The following AGBL4 variants were observed in gnomAD, a reference collection of about 807,000 sequenced individuals.
The protein encoded by AGBL4 is AGBL carboxypeptidase 4.
AGBL4 carries 58 observed loss-of-function variants against 66.4 expected under a neutral mutation model. That is an observed-to-expected ratio of 0.87 (90% CI 0.71 to 1.09). AGBL4 has a LOEUF of 1.09. Among genes scored for constraint, AGBL4 ranks in the 50% least tolerant of loss-of-function variants. The probability of loss-of-function intolerance (pLI) is 0.00; values close to 1 mark genes in which losing one functional copy is unlikely to be tolerated. For missense variants in AGBL4, 579 were observed against 631.0 expected (o/e 0.92, Z 0.88); for synonymous variants, 234 against 222.9 (o/e 1.05, Z -0.44).
chr1:48,836,063 G>A (rs1646663080), intron 6 of AGBL4, among the ~76,000 whole-genome samples: 1 of 152,054 alleles, frequency 6.6e-6, no homozygotes. Flanking sequence ...GAGGACTATT[G>A]CAGTAGTTCA....
chr1:49,276,623 G>A (rs992770532), intron 3 of AGBL4, among the ~76,000 whole-genome samples: 1 of 152,098 alleles, frequency 6.6e-6, no homozygotes, highest in African/African-American at 2.4e-5. Flanking sequence ...ATAGAAACAC[G>A]TACCATCTAT....
In AGBL4 at chr1:48,670,129, C is replaced by A. The variant is rs114836651; in HGVS notation, c.635-6888G>T. Among the ~76,000 whole-genome samples the A allele has an allele frequency of 7.2e-3, 1,089 of 152,286 alleles. 12 individuals carry two copies. Among genetic ancestry groups the A allele is most frequent in the Non-Finnish European group, 0.011 (757 of 68,032 alleles). On this transcript the variant is annotated intron_variant, in intron 6 of 13. Coordinates refer to ENST00000371839, the MANE Select transcript of AGBL4 (RefSeq NM_032785.4). The stretch of plus-strand genomic sequence containing the variant: ...GAATATCAGGCGCTGGGGACAGGAG[C>A]CTTTCTGGTGTACCTCCCTATCTTC...
chr1:48,763,219 A>T (rs1425458318), intron 6 of AGBL4, among the ~76,000 whole-genome samples: 1 of 152,110 alleles, frequency 6.6e-6, no homozygotes, highest in African/African-American at 2.4e-5. Flanking sequence ...TACTGATGAA[A>T]ACGGCCTTTC....
chr1:49,550,395 C>G (rs894550203), intron 3 of AGBL4, among the ~76,000 whole-genome samples: 1 of 151,964 alleles, frequency 6.6e-6, no homozygotes, highest in Non-Finnish European at 1.5e-5. Context: ...TTTTATAAGT[C>G]CTGTGTGATT....
chr1:48,799,327 TC>T (rs547433755), intron 6 of AGBL4, among the ~76,000 whole-genome samples: 119 of 152,340 alleles, frequency 7.8e-4, no homozygotes, highest in African/African-American at 2.8e-3. Flanking sequence ...GTGCTACTGA[TC>T]TCTGTGCATT....
chr1:50,019,834 C>G (rs546143203), intron 1 of AGBL4, among the ~76,000 whole-genome samples: 1 of 151,990 alleles, frequency 6.6e-6, no homozygotes, highest in African/African-American at 2.4e-5. Flanking sequence ...GACTAATACT[C>G]CTACATGTAA....
At chr1:49,093,108 A>G (rs1645030448) in intron 4 of AGBL4, among the ~76,000 whole-genome samples, 1 of 152,142 alleles carries the variant, frequency 6.6e-6, no homozygotes, top group Non-Finnish European at 1.5e-5. Flanking sequence ...ACCAATAATT[A>G]GGGCTGCTCT....
In AGBL4 at chr1:48,618,929, T is replaced by C. The variant is rs115854081; in HGVS notation, c.951+15564A>G. Among the ~76,000 whole-genome samples, 1,317 of 150,118 alleles carry C rather than the reference T, an allele frequency of 8.8e-3. 24 individuals carry two copies. The highest frequency in any genetic ancestry group is 0.032 in the African/African-American group (1,273 of 40,394). On this transcript the variant is annotated intron_variant, in intron 9 of 13. Transcript: ENST00000371839. Reference sequence around the variant, plus strand: ...ATTCTGAATTTTTGTGCTTAAAAGATGTCATTATACCAAGAAAAAAAAAAA... The same window carrying C: ...ATTCTGAATTTTTGTGCTTAAAAGACGTCATTATACCAAGAAAAAAAAAAA...
intron 1 of AGBL4, among the ~76,000 whole-genome samples, chr1:49,946,687 A>T (rs1655239229): frequency 1.3e-5 from 2 of 152,076 alleles, no homozygotes; most frequent in South Asian, 4.1e-4. Context: ...CCAGCAGAAG[A>T]AAAGAAATAA....
chr1:49,420,844 T>C (rs1035583936), intron 3 of AGBL4, among the ~76,000 whole-genome samples: 1 of 152,186 alleles, frequency 6.6e-6, no homozygotes, highest in Non-Finnish European at 1.5e-5. Flanking sequence ...CTGTGCCATA[T>C]CCTGTGCTAG....
chr1:48,591,687 C>A (rs2148349225), intron 9 of AGBL4, among the ~76,000 whole-genome samples: 1 of 152,282 alleles, frequency 6.6e-6, no homozygotes, highest in Non-Finnish European at 1.5e-5. Flanking sequence ...TCTTAGTTAA[C>A]TCTTTGAGTT....
At chr1:49,476,499 G>A (rs139200020) in intron 3 of AGBL4, among the ~76,000 whole-genome samples, 2 of 152,050 alleles carry the variant, frequency 1.3e-5, no homozygotes, top group African/African-American at 4.8e-5. Flanking sequence ...TGCTGTCAGC[G>A]AGATGTTGAA....
chr1:49,516,712 G>A (rs901966790), intron 3 of AGBL4, among the ~76,000 whole-genome samples: 9 of 152,066 alleles, frequency 5.9e-5, no homozygotes, highest in African/African-American at 1.4e-4. Context: ...GATGGAGGAA[G>A]TGCTGTGTCT....
chr1:49,464,993 G>A (rs1646594604), intron 3 of AGBL4, among the ~76,000 whole-genome samples: 1 of 151,556 alleles, frequency 6.6e-6, no homozygotes, highest in Non-Finnish European at 1.5e-5. Flanking sequence ...ACAAACAAAT[G>A]AATGAATAAC....
chr1:49,052,410 G>T (rs1314591406), intron 4 of AGBL4, among the ~76,000 whole-genome samples: 1 of 152,142 alleles, frequency 6.6e-6, no homozygotes, highest in Admixed American at 6.5e-5. Flanking sequence ...GACTGAACAA[G>T]GAGCTAGGAG....
intron 2 of AGBL4, among the ~76,000 whole-genome samples, chr1:49,802,138 C>T (rs1215291749): frequency 6.6e-6 from 1 of 152,130 alleles, no homozygotes; most frequent in Admixed American, 6.6e-5. Context: ...TGCAGAGAGC[C>T]TATGAATGGA....
chr1:49,126,219 G>T lies in AGBL4; in HGVS notation c.378-80419C>A, dbSNP rs564353447. Among the ~76,000 whole-genome samples, 13 of 152,262 alleles carry T rather than the reference G, an allele frequency of 8.5e-5. 1 individual carries two copies. The South Asian group carries it at 2.7e-3, about 32-fold the overall frequency. On this transcript the variant is annotated intron_variant, in intron 4 of 13. Transcript: ENST00000371839. ...GAAAGGACCCCACGTGTTGGGAATA[G>T]AAATCAGTTTACCGTTCCAAGCAGC...
chr1:49,445,374 A>AATGTC (rs1646131029), intron 3 of AGBL4, among the ~76,000 whole-genome samples: 2 of 152,120 alleles, frequency 1.3e-5, no homozygotes, highest in Non-Finnish European at 1.5e-5. Context: ...CCTGTATCTG[A>AATGTC]ATGTCTAAAT....
Position 48,727,916 on chromosome 1 carries a change from T to C in AGBL4, c.635-64675A>G, listed in dbSNP as rs765630810. ...GCAAATTGTATTTTGCTTCCCTTCG[T>C]TCTTCATTTTTACAGGATTTATTGA... On this transcript the variant is annotated intron_variant, in intron 6 of 13. Coordinates refer to ENST00000371839, the MANE Select transcript of AGBL4 (RefSeq NM_032785.4). 8 of 1,606,580 alleles carry C rather than the reference T, an allele frequency of 5.0e-6. No homozygotes were observed. In the Middle Eastern group the frequency reaches 8.3e-4, roughly 166 times the overall value.
Sources: gnomAD v4.1 joint callset for allele counts (sites outside exome capture counted in the v4.1 genomes callset) on GRCh38, gnomAD v4.1.1 for gene constraint, MANE v1.5 for transcripts, NCBI Gene and HGNC (gene_info 2026-07-23, HGNC 2026-07-21) for gene names.